Variants in KRT20 observed in about 807,000 individuals in gnomAD.
KRT20 encodes keratin, type I cytoskeletal 20.
A neutral mutation model predicts 43.0 loss-of-function variants in KRT20; 41 were observed. The ratio of observed to expected loss-of-function variants is 0.95; its 90% CI spans 0.74 to 1.24. The LOEUF is 1.24. Ranked by LOEUF, KRT20 falls within the 50% of genes most tolerant of loss-of-function variation. The probability of loss-of-function intolerance (pLI) is 0.00; values close to 1 mark genes in which losing one functional copy is unlikely to be tolerated. For missense variants in KRT20, 533 were observed against 521.2 expected, an observed-to-expected ratio of 1.02 and a Z score of -0.22; for synonymous variants, 207 against 200.6, an observed-to-expected ratio of 1.03 and a Z score of -0.27.
chr17:40,884,312 ACCCAGAATCACTTTG>A (rs1907715368), intron 1 of KRT20, among the ~76,000 whole-genome samples: 1 of 152,198 alleles, frequency 6.6e-6, no homozygotes, highest in South Asian at 2.1e-4. Context: ...CACTGTTTCC[ACCCAGAATCACTTTG>A]CTATTTAAAT....
At chr17:40,882,529 G>A in intron 2 of KRT20, 43 bp downstream of exon 2, 3 of 1,077,628 alleles carry the variant, frequency 2.8e-6, no homozygotes, top group Non-Finnish European at 4.1e-6. Context: ...ACTACTAAAG[G>A]AATTCTTTTT....
rs570945645 is a variant in KRT20 at position 40,877,111 on chromosome 17, G to A, written c.1177+269C>T. On this transcript the variant is annotated intron_variant, in intron 7 of 7. Coordinates refer to ENST00000167588, the MANE Select transcript of KRT20 (RefSeq NM_019010.3). ...CCTCCTCTTGCTCTCTGGTTCTCAT[G>A]GACACTCTTTTGCACTTCTACTTTC... Among the ~76,000 whole-genome samples the A allele has an allele frequency of 2.4e-4, 36 of 152,214 alleles. 1 individual carries two copies. Among genetic ancestry groups the A allele is most frequent in the Admixed American group, 2.0e-3 (30 of 15,298 alleles).
chr17:40,876,590 CTCAAAAAATCTTAAG>C (rs1907355728), intron 7 of KRT20, 132 bp from the exon 8 acceptor site: 1 of 482,626 alleles, frequency 2.1e-6, no homozygotes. Flanking sequence ...CATCCTCTTT[CTCAAAAAATCTTAAG>C]TCCATTTTAT....
At chr17:40,882,541 A>T in intron 2 of KRT20, 31 bp downstream of exon 2, 1 of 1,292,760 alleles carries the variant, frequency 7.7e-7, no homozygotes, top group Non-Finnish European at 1.1e-6. Flanking sequence ...ATTCTTTTTC[A>T]GAAACTTTTG....
At position 40,878,155 on chromosome 17, in the gene KRT20, C is replaced by T; in HGVS notation, c.1129G>A (p.Glu377Lys). The T allele has an allele frequency of 1.2e-6, 2 of 1,613,738 alleles. No homozygotes were observed. The highest frequency in any genetic ancestry group is 1.7e-4 in the Middle Eastern group (1 of 6,060). Reference protein sequence around the residue: ...IATYRRLLEGEDVKTTEYQLS... With the variant: ...IATYRRLLEGKDVKTTEYQLS... Reference sequence around the variant, plus strand: ...TTCTAAGAGCCTTACTTTACGTCTTCTCCTTCCAGAAGGCGGCGGTAAGTA... The same window carrying T: ...TTCTAAGAGCCTTACTTTACGTCTTTTCCTTCCAGAAGGCGGCGGTAAGTA... The change falls in exon 6 of 8, where the codon GAA becomes AAA. Residue 377 changes from glutamate (E) to lysine (K), a missense_variant. By Grantham distance (56) the Glu-to-Lys change is moderately conservative (BLOSUM62 1). Transcript: ENST00000167588.
At position 40,876,142 on chromosome 17, in the gene KRT20, A is replaced by G. The variant is rs1221621092; in HGVS notation, c.*219T>C. ...TGATGTTTTAAATATTCTAGTGCTCACTGGATTTCATTTTTGCAGGCAATT... is the reference window on the plus strand; with the variant it reads ...TGATGTTTTAAATATTCTAGTGCTCGCTGGATTTCATTTTTGCAGGCAATT... On this transcript the variant is annotated 3_prime_UTR_variant, in exon 8 of 8. Transcript: ENST00000167588. 4.5e-6 allele frequency: 2 copies of G among 440,810 alleles called. No homozygotes were observed. Among genetic ancestry groups the G allele is most frequent in the Admixed American group, 3.7e-5 (1 of 26,758 alleles). The allele number at this position is 440,810 out of a possible 1,614,324, so 27.3% of individuals were successfully genotyped here.
At position 40,878,257 on chromosome 17, in the gene KRT20, G is replaced by A. The variant is rs1907434598; in HGVS notation, c.1027C>T (p.Arg343Trp). ...TTGTTCTGGCGTTCCATGTTACTCC[G>A]AATCTGCATCAGTTGGGCCTCCAGA... ...SSLEAQLMQI[R>W]SNMERQNNEY... Residue 343 changes from arginine (R) to tryptophan (W), a missense_variant, in exon 6 of 8, where the codon CGG becomes TGG. Arg to Trp is a moderately radical substitution (Grantham distance 101, BLOSUM62 -3). Coordinates refer to ENST00000167588, the MANE Select transcript of KRT20 (RefSeq NM_019010.3). The A allele has an allele frequency of 1.9e-6, 3 of 1,614,038 alleles. No homozygotes were observed. Among genetic ancestry groups the A allele is most frequent in the African/African-American group, 1.3e-5 (1 of 75,010 alleles).
In KRT20 at chr17:40,882,666, A is replaced by G; in HGVS notation, c.391-12T>C. 5.7e-6 allele frequency: 7 copies of G among 1,238,638 alleles called. No homozygotes were observed. The highest frequency in any genetic ancestry group is 7.6e-6 in the Non-Finnish European group (7 of 921,914). The allele number at this position is 1,238,638 out of a possible 1,614,324, so 76.7% of individuals were successfully genotyped here. A position where few individuals can be genotyped will look rare whatever the true frequency, so the allele number is the denominator to read the frequency against. On this transcript the variant is annotated splice_polypyrimidine_tract_variant and intron_variant, in intron 1 of 7. Coordinates refer to ENST00000167588, the MANE Select transcript of KRT20 (RefSeq NM_019010.3). ...TGAGCATCCTTAATCTGGAAAATAC[A>G]TGAGAAAGAATGACATTTTCTTTTT...
intron 1 of KRT20, among the ~76,000 whole-genome samples, chr17:40,883,639 T>C (rs886556256): frequency 5.3e-5 from 8 of 152,238 alleles, no homozygotes; most frequent in Non-Finnish European, 1.2e-4. Context: ...ACAATGACAT[T>C]TCTCTTTCAA....
Position 40,885,147 on chromosome 17 carries a change from G to T in KRT20, c.39C>A (p.Ser13Arg). 6.2e-7 allele frequency: 1 copy of T among 1,609,538 alleles called. No individual in the cohort carries two copies. The highest frequency in any genetic ancestry group is 8.5e-7 in the Non-Finnish European group (1 of 1,177,898). Reference sequence around the variant, plus strand: ...TGACTACAGGGGCCTGCAAGGAGGAGCTCAGGCTTCTGTGGAAGCTTCTGC... The same window carrying T: ...TGACTACAGGGGCCTGCAAGGAGGATCTCAGGCTTCTGTGGAAGCTTCTGC... Reference protein sequence around the residue: ...FSRRSFHRSLSSSLQAPVVST... With the variant: ...FSRRSFHRSLRSSLQAPVVST... Residue 13 changes from serine (S) to arginine (R), a missense_variant, in exon 1 of 8, where the codon AGC (serine) becomes AGA (arginine). Transcript: ENST00000167588.
intron 5 of KRT20, among the ~76,000 whole-genome samples, chr17:40,878,852 A>G (rs1261615739): frequency 6.7e-6 from 1 of 149,140 alleles, no homozygotes; most frequent in Non-Finnish European, 1.5e-5. Context: ...CCCAGGCTGG[A>G]GTGCAGTAAT....
At position 40,876,200 on chromosome 17, in the gene KRT20, A is replaced by T. The variant is rs1907339633; in HGVS notation, c.*161T>A. 4.0e-6 allele frequency: 2 copies of T among 505,298 alleles called. No homozygotes were observed. The highest frequency in any genetic ancestry group is 3.8e-5 in the African/African-American group (2 of 52,394). The allele number at this position is 505,298 out of a possible 1,614,324, so 31.3% of individuals were successfully genotyped here. On this transcript the variant is annotated 3_prime_UTR_variant, in exon 8 of 8. Coordinates refer to ENST00000167588, the MANE Select transcript of KRT20 (RefSeq NM_019010.3). The stretch of plus-strand genomic sequence containing the variant: ...CCTCTGAGTAAAACATTTATATTCA[A>T]TTACAGAGTCTGATAAATAGGATTC...
At chr17:40,884,138 T>C (rs945927179) in intron 1 of KRT20, among the ~76,000 whole-genome samples, 1 of 152,200 alleles carries the variant, frequency 6.6e-6, no homozygotes, top group African/African-American at 2.4e-5. Context: ...CTTTTTTTGA[T>C]GACATAGGAG....
intron 6 of KRT20, 100 bp from the exon 7 acceptor site, chr17:40,877,517 C>A: frequency 1.5e-6 from 1 of 662,608 alleles, no homozygotes; most frequent in South Asian, 2.3e-5. Context: ...ATTTCAAAGT[C>A]CAAGTGAATG....
At chr17:40,881,132 A>G (rs1381146851) in intron 2 of KRT20, among the ~76,000 whole-genome samples, 9 of 152,298 alleles carry the variant, frequency 5.9e-5, no homozygotes, top group African/African-American at 1.9e-4. Context: ...ATGAATGTAC[A>G]TGATCGATTT....
chr17:40,879,889 C>T lies in KRT20; in HGVS notation c.842G>A (p.Gly281Glu). 6.2e-7 allele frequency: 1 copy of T among 1,613,500 alleles called. No individual in the cohort carries two copies. Among genetic ancestry groups the T allele is most frequent in the South Asian group, 1.1e-5 (1 of 91,032 alleles). ...QVTVNTEELK[G>E]TEVQLTELRR... is the part of the protein sequence containing the mutation. ...CAGCTCCGTTAGTTGAACCTCAGTT[C>T]CTTTTAATTCTTCAGTATTCACTGT... The change falls in exon 5 of 8, where the codon GGA (glycine) becomes GAA (glutamate). Residue 281 changes from glycine to glutamate, a missense_variant. Gly to Glu is a moderately conservative substitution (Grantham distance 98). Coordinates refer to ENST00000167588, the MANE Select transcript of KRT20 (RefSeq NM_019010.3).
chr17:40,880,656 T>G lies in KRT20; in HGVS notation c.588A>C (p.Glu196Asp). Residue 196 changes from glutamate to aspartate, a missense_variant, in exon 3 of 8, where the codon GAA becomes GAC. Transcript: ENST00000167588. ...TGAGGAGAGCTAGGTCTTTATTCAG[T>G]TCTTCAATTTGAATCTCCAAATCTG... is the stretch of plus-strand genomic sequence containing the variant. ...HKTDLEIQIE[E>D]LNKDLALLKK... 6.2e-7 allele frequency: 1 copy of G among 1,613,130 alleles called. No homozygotes were observed. Among genetic ancestry groups the G allele is most frequent in the Non-Finnish European group, 8.5e-7 (1 of 1,179,692 alleles).
intron 3 of KRT20, 44 bp downstream of exon 3, chr17:40,880,570 A>T: frequency 6.4e-7 from 1 of 1,555,948 alleles, no homozygotes; most frequent in Non-Finnish European, 8.8e-7. Context: ...TATTATATAG[A>T]ACCATTCCAT....
chr17:40,884,535 A>G (rs1402595032), intron 1 of KRT20, among the ~76,000 whole-genome samples: 1 of 152,216 alleles, frequency 6.6e-6, no homozygotes, highest in East Asian at 1.9e-4. Context: ...AAGCTGTGAC[A>G]AAGATTCATT....
Sources: gnomAD v4.1 joint callset for allele counts (sites outside exome capture counted in the v4.1 genomes callset) on GRCh38, gnomAD v4.1.1 for gene constraint, MANE v1.5 for transcripts, NCBI Gene and HGNC (gene_info 2026-07-23, HGNC 2026-07-21) for gene names.